HACD4: variants seen among roughly 807,000 people sequenced by gnomAD.
The protein encoded by HACD4 is 3-hydroxyacyl-CoA dehydratase 4, also known as very-long-chain (3R)-3-hydroxyacyl-CoA dehydratase 4.
In HACD4, 35 loss-of-function variants were observed where a neutral mutation model predicts 33.3. The ratio of observed to expected loss-of-function variants is 1.05; its 90% CI spans 0.80 to 1.39. The LOEUF is 1.39. Among genes scored for constraint, HACD4 ranks in the 40% most tolerant of loss-of-function variants. The pLI, the probability that HACD4 is intolerant of heterozygous loss-of-function variation, is 0.00. For synonymous variants in HACD4, 118 were observed against 98.0 expected, an observed-to-expected ratio of 1.20 and a Z score of -1.21; for missense variants, 323 against 276.5, an observed-to-expected ratio of 1.17 and a Z score of -1.19.
intron 4 of HACD4, among the ~76,000 whole-genome samples, chr9:21,013,222 G>A (rs1310774338): frequency 3.3e-5 from 5 of 151,702 alleles, no homozygotes. Context: ...ATATGTGAGT[G>A]GTTAACTTCA....
intron 3 of HACD4, among the ~76,000 whole-genome samples, chr9:21,017,486 GAA>G (rs1278932025): frequency 6.6e-6 from 1 of 151,870 alleles, no homozygotes; most frequent in Non-Finnish European, 1.5e-5. Context: ...TATAATTACT[GAA>G]CAATCCAACC....
Position 21,029,359 on chromosome 9 carries a change from G to T in HACD4, c.78C>A (p.Ile26=). The change falls in exon 2 of 7, where the codon ATC becomes ATA. Residue 26 remains isoleucine, a synonymous_variant. Coordinates refer to ENST00000495827, the MANE Select transcript of HACD4 (RefSeq NM_001010915.5). ...KNAYLFIYYL[I]QFCGHSWIFT... is the part of the protein sequence containing the mutation. ...ATATCCAAGAGTGGCCACAGAACTG[G>T]ATTAAGTAATAGATGAAAAGATACG... 1 of 1,598,536 alleles carries T rather than the reference G, an allele frequency of 6.3e-7. No homozygotes were observed. Among genetic ancestry groups the T allele is most frequent in the Non-Finnish European group, 8.6e-7 (1 of 1,167,764 alleles).
intron 1 of HACD4, chr9:21,031,350 T>A (rs957104146): frequency 6.6e-6 from 4 of 606,696 alleles, no homozygotes; most frequent in Non-Finnish European, 8.3e-6. Flanking sequence ...ATGGAGAAAA[T>A]AACAGAGCCT....
rs1253719061 is a variant in HACD4 at position 21,013,353 on chromosome 9, T to A, written c.384-1658A>T. On this transcript the variant is annotated intron_variant, in intron 4 of 6. Coordinates refer to ENST00000495827, the MANE Select transcript of HACD4 (RefSeq NM_001010915.5). The stretch of plus-strand genomic sequence containing the variant: ...TAATTGACCAAAAATGTGTGAGAGT[T>A]TATCTTTATCAATTTTATTCCATGA... 2.0e-5 allele frequency among the ~76,000 whole-genome samples: 3 copies of A among 152,210 alleles called. No homozygotes were observed. The East Asian group carries it at 5.8e-4, about 29-fold the overall frequency.
chr9:21,018,414 G>C (rs1452050619), intron 3 of HACD4, among the ~76,000 whole-genome samples: 1 of 152,126 alleles, frequency 6.6e-6, no homozygotes, highest in Non-Finnish European at 1.5e-5. Flanking sequence ...TTTCACCATT[G>C]TTACTTGATA....
At chr9:21,031,489 G>A in intron 1 of HACD4, 64 bp downstream of exon 1, 9 of 1,431,360 alleles carry the variant, frequency 6.3e-6, no homozygotes, top group East Asian at 3.0e-5. Flanking sequence ...CCGCAGAGGG[G>A]AGCTCCCGCC....
At chr9:21,013,249 T>C (rs1427440469) in intron 4 of HACD4, among the ~76,000 whole-genome samples, 1 of 152,184 alleles carries the variant, frequency 6.6e-6, no homozygotes, top group Non-Finnish European at 1.5e-5. Flanking sequence ...TGTGTGTGTA[T>C]ATCCAGTTGT....
chr9:21,026,733 G>A lies in HACD4; in HGVS notation c.143-10C>T, dbSNP rs373582379. 4.3e-5 allele frequency: 69 copies of A among 1,609,904 alleles called. No homozygotes were observed. Among genetic ancestry groups the A allele is most frequent in the Non-Finnish European group, 5.6e-5 (66 of 1,178,208 alleles). ...GTGTCAACCATTGAATCTGTATCCC[G>A]TGGGTTAAAAATGCAGATATAGGAA... On this transcript the variant is annotated splice_polypyrimidine_tract_variant and intron_variant, in intron 2 of 6. Coordinates refer to ENST00000495827, the MANE Select transcript of HACD4 (RefSeq NM_001010915.5).
intron 6 of HACD4, 145 bp from the exon 7 acceptor site, chr9:21,007,264 A>C: frequency 1.6e-6 from 1 of 606,540 alleles, no homozygotes; most frequent in Non-Finnish European, 2.9e-6. Flanking sequence ...TGTTTAAAGA[A>C]GTGTCCAGAT....
chr9:21,013,078 A>G (rs963823948), intron 4 of HACD4, among the ~76,000 whole-genome samples: 5 of 151,902 alleles, frequency 3.3e-5, no homozygotes, highest in African/African-American at 1.2e-4. Context: ...AAAAAAAAAA[A>G]AAAAAGAAAA....
Position 21,004,734 on chromosome 9 carries a change from G to C in HACD4, c.*2303C>G, listed in dbSNP as rs1479896262. Reference sequence around the variant, plus strand: ...TTGTTATAGCAGCCAAGCTAAGACAGCAATTAGTACCAAGAAGTGTGGTGA... The same window carrying C: ...TTGTTATAGCAGCCAAGCTAAGACACCAATTAGTACCAAGAAGTGTGGTGA... On this transcript the variant is annotated 3_prime_UTR_variant, in exon 7 of 7. Transcript: ENST00000495827. The surrounding 1 kb of genome is among the most constrained non-coding windows in gnomAD (Gnocchi z 4.6). 6.6e-6 allele frequency: 1 copy of C among 152,242 alleles called. No homozygotes were observed. Among genetic ancestry groups the C allele is most frequent in the Non-Finnish European group, 1.5e-5 (1 of 68,086 alleles). The allele number at this position is 152,242 out of a possible 1,614,324, so 9.4% of individuals were successfully genotyped here. A position where few individuals can be genotyped will look rare whatever the true frequency, so the allele number is the denominator to read the frequency against.
chr9:21,020,149 G>C (rs1342779964), intron 3 of HACD4, among the ~76,000 whole-genome samples: 1 of 152,046 alleles, frequency 6.6e-6, no homozygotes, highest in Non-Finnish European at 1.5e-5. Context: ...TCATTTAGGA[G>C]TATTAGTTTT....
chr9:21,021,223 G>A (rs966142627), intron 3 of HACD4, among the ~76,000 whole-genome samples: 3 of 152,124 alleles, frequency 2.0e-5, no homozygotes, highest in African/African-American at 4.8e-5. Flanking sequence ...TTGATGGGAC[G>A]TATCTCAAAA....
At chr9:21,029,569 A>G (rs1307123767) in intron 1 of HACD4, among the ~76,000 whole-genome samples, 171 bp from the exon 2 acceptor site, 1 of 152,222 alleles carries the variant, frequency 6.6e-6, no homozygotes, top group African/African-American at 2.4e-5. Context: ...AGGGAGCCAT[A>G]ACCTACACTA....
At chr9:21,025,026 T>C (rs1416400289) in intron 3 of HACD4, among the ~76,000 whole-genome samples, 2 of 152,160 alleles carry the variant, frequency 1.3e-5, no homozygotes, top group African/African-American at 4.8e-5. Flanking sequence ...CCAATAAATC[T>C]TGCTCCCAGA....
chr9:21,006,310 T>G lies in HACD4; in HGVS notation c.*727A>C, dbSNP rs1036925764. 1.3e-5 allele frequency: 2 copies of G among 152,392 alleles called. No individual in the cohort carries two copies. Among genetic ancestry groups the G allele is most frequent in the African/African-American group, 4.8e-5 (2 of 41,400 alleles). 9.4% of individuals were successfully genotyped at this position (152,392 alleles called of 1,614,324 possible). A position where few individuals can be genotyped will look rare whatever the true frequency, so the allele number is the denominator to read the frequency against. On this transcript the variant is annotated 3_prime_UTR_variant, in exon 7 of 7. Transcript: ENST00000495827. This position sits in a 1 kb window ranked among gnomAD's most constrained non-coding sequence, Gnocchi z 4.6. ...AGAGACATAAGAGAGTTGATCTCTC[T>G]CTCATGTGAGGACAAAGAAGGACAT...
rs754616063 is a variant in HACD4 at position 21,000,134 on chromosome 9, A to G, written c.*6903T>C. 7 of 152,154 alleles carry G rather than the reference A, an allele frequency of 4.6e-5. No homozygotes were observed. Among genetic ancestry groups the G allele is most frequent in the Non-Finnish European group, 8.8e-5 (6 of 67,998 alleles). The allele number at this position is 152,154 out of a possible 1,614,324, so 9.4% of individuals were successfully genotyped here. ...CCATGAAGTAACAATAGACACCTACATGTATGTGATGAATTAAGGCATACT... is the reference window on the plus strand; with the variant it reads ...CCATGAAGTAACAATAGACACCTACGTGTATGTGATGAATTAAGGCATACT... On this transcript the variant is annotated 3_prime_UTR_variant, in exon 7 of 7. Transcript: ENST00000495827.
Position 21,021,559 on chromosome 9 carries a change from C to A in HACD4, c.270+5037G>T, listed in dbSNP as rs541823704. 5.3e-5 allele frequency among the ~76,000 whole-genome samples: 8 copies of A among 152,246 alleles called. No homozygotes were observed. In the East Asian group the frequency reaches 1.2e-3, roughly 22 times the overall value. On this transcript the variant is annotated intron_variant, in intron 3 of 6. Transcript: ENST00000495827. ...CAGGATACAGAATCAATGCGCAAAACTCACAAGCATTCCTATATACCAATA... is the reference window on the plus strand; with the variant it reads ...CAGGATACAGAATCAATGCGCAAAAATCACAAGCATTCCTATATACCAATA...
intron 4 of HACD4, among the ~76,000 whole-genome samples, chr9:21,012,639 C>G (rs942391933): frequency 1.3e-5 from 2 of 152,108 alleles, no homozygotes; most frequent in Non-Finnish European, 1.5e-5. Context: ...GAATATATAC[C>G]AGCAGTGGAG....
Sources: gnomAD v4.1 joint callset for allele counts (sites outside exome capture counted in the v4.1 genomes callset) on GRCh38, gnomAD v4.1.1 for gene constraint, Gnocchi (gnomAD v3.1) non-coding constraint, MANE v1.5 for transcripts, NCBI Gene and HGNC (gene_info 2026-07-23, HGNC 2026-07-21) for gene names.